Variants in SKOR1 observed in about 807,000 individuals in gnomAD.
SKOR1 encodes the protein SKI family transcriptional corepressor 1, also known as LBX1 corepressor 1.
A neutral mutation model predicts 72.4 loss-of-function variants in SKOR1; 38 were observed. That is an observed-to-expected ratio of 0.52 (90% CI 0.40 to 0.69). The LOEUF (loss-of-function observed/expected upper bound fraction) is 0.69, where lower values mean the gene tolerates loss of function less well. Ranked by LOEUF, SKOR1 falls within the 30% of genes least tolerant of loss-of-function variation. SKOR1 has a pLI of 0.00. For synonymous variants in SKOR1, 642 were observed against 599.4 expected (o/e 1.07, Z -1.04); for missense variants, 1,320 against 1,343.2 (o/e 0.98, Z 0.27).
At chr15:67,831,903 C>CCGGGGGGGG (rs1476265010) in intron 5 of SKOR1, among the ~76,000 whole-genome samples, 35 of 28,734 alleles carry the variant, frequency 1.2e-3, no homozygotes, top group African/African-American at 9.3e-3. Context: ...GGCGGCGGTG[C>CCGGGGGGGG]GGGGGGGGGA....
In SKOR1 at chr15:67,830,881, T is replaced by G; in HGVS notation, c.2579T>G (p.Leu860Arg). The G allele has an allele frequency of 6.2e-7, 1 of 1,614,130 alleles. No homozygotes were observed. Among genetic ancestry groups the G allele is most frequent in the Non-Finnish European group, 8.5e-7 (1 of 1,180,008 alleles). ...THLVEKDIEN[L>R]AREELQKLLL... is the part of the protein sequence containing the mutation. ...TTGGTGGAGAAAGATATCGAGAACC[T>G]GGCCAGAGGTGAGGATAAATTTGTG... Residue 860 changes from leucine to arginine, a missense_variant, in exon 5 of 9, where the codon CTG becomes CGG. Physicochemically the swap from Leu to Arg is moderately radical, Grantham distance 102. Around this residue, in one of 3 missense-constraint regions of SKOR1, gnomAD observed 1,099 missense variants for 1,025.5 expected, o/e 1.07. Transcript: ENST00000380035.
At position 67,833,061 on chromosome 15, in the gene SKOR1, C is replaced by A; in HGVS notation, c.2738-131C>A. The stretch of plus-strand genomic sequence containing the variant: ...AGTCTGCAGTTAGGAGCTCCGGTAC[C>A]CCCTCCCCCATCCCTGGAGTTGTTT... On this transcript the variant is annotated intron_variant, in intron 7 of 8. Coordinates refer to ENST00000380035, the MANE Select transcript of SKOR1 (RefSeq NM_001365915.1). The surrounding 1 kb of genome is among the most constrained non-coding windows in gnomAD (Gnocchi z 6.0). 1.1e-6 allele frequency: 1 copy of A among 899,306 alleles called. No individual in the cohort carries two copies. Among genetic ancestry groups the A allele is most frequent in the African/African-American group, 1.7e-5 (1 of 60,596 alleles). The allele number at this position is 899,306 out of a possible 1,614,324, so 55.7% of individuals were successfully genotyped here.
Position 67,825,515 on chromosome 15 carries a change from C to G in SKOR1, c.-88C>G. On this transcript the variant is annotated 5_prime_UTR_variant, in exon 1 of 9. Coordinates refer to ENST00000380035, the MANE Select transcript of SKOR1 (RefSeq NM_001365915.1). This position sits in a 1 kb window ranked among gnomAD's most constrained non-coding sequence, Gnocchi z 5.6. ...AGAGGGGCGGCCGATCCCCGAAGTC[C>G]GGGCTTCAGGACCCGGGCCGGCAGC... 1.5e-6 allele frequency: 1 copy of G among 682,018 alleles called. No homozygotes were observed. The highest frequency in any genetic ancestry group is 2.7e-6 in the Non-Finnish European group (1 of 365,156). 42.2% of individuals were successfully genotyped at this position (682,018 alleles called of 1,614,324 possible).
At chr15:67,829,134 C>T (rs1166941055) in intron 2 of SKOR1, 45 bp from the exon 3 acceptor site, 12 of 1,486,788 alleles carry the variant, frequency 8.1e-6, no homozygotes, top group Non-Finnish European at 1.1e-5. Flanking sequence ...TTTGGGCCGC[C>T]GCAGGGCGCC....
Position 67,832,684 on chromosome 15 carries a change from A to G in SKOR1, c.2737+3A>G. 6.2e-7 allele frequency: 1 copy of G among 1,613,816 alleles called. No homozygotes were observed. Among genetic ancestry groups the G allele is most frequent in the Non-Finnish European group, 8.5e-7 (1 of 1,179,824 alleles). On this transcript the variant is annotated splice_donor_region_variant and intron_variant, in intron 7 of 8. Coordinates refer to ENST00000380035, the MANE Select transcript of SKOR1 (RefSeq NM_001365915.1). The surrounding 1 kb of genome is among the most constrained non-coding windows in gnomAD (Gnocchi z 4.5). ...GCAACAGCTGCAAATTGTCAGAGGTAAGACGGGAGTCAGGTGAGCTCGTGC... is the reference window on the plus strand; with the variant it reads ...GCAACAGCTGCAAATTGTCAGAGGTGAGACGGGAGTCAGGTGAGCTCGTGC...
At chr15:67,830,168 A>G (rs2090997713) in intron 3 of SKOR1, 23 bp from the exon 4 acceptor site, 1 of 1,612,720 alleles carries the variant, frequency 6.2e-7, no homozygotes, top group South Asian at 1.1e-5. Context: ...GCCTCTCTTG[A>G]AATTCGGTTT....
chr15:67,828,225 G>C (rs931173443), intron 2 of SKOR1, 81 bp downstream of exon 2: 12 of 1,359,722 alleles, frequency 8.8e-6, no homozygotes, highest in Non-Finnish European at 1.0e-5. Context: ...GGCGGAGAAC[G>C]GGAATTTTGT....
Position 67,832,411 on chromosome 15 carries a change from C to A in SKOR1, c.2662+63C>A, listed in dbSNP as rs550090688. ...CGAGCCTTCCACCAGGGTGCCCCGA[C>A]CTACTCCGAAAGCCGGGTGCCAGGC... On this transcript the variant is annotated intron_variant, in intron 6 of 8. Coordinates refer to ENST00000380035, the MANE Select transcript of SKOR1 (RefSeq NM_001365915.1). The surrounding 1 kb of genome is among the most constrained non-coding windows in gnomAD (Gnocchi z 4.5). 2.6e-5 allele frequency: 41 copies of A among 1,574,138 alleles called. No individual in the cohort carries two copies. The highest frequency in any genetic ancestry group is 3.4e-4 in the Middle Eastern group (2 of 5,818).
At position 67,832,206 on chromosome 15, in the gene SKOR1, G is replaced by C. The variant is rs2091013635; in HGVS notation, c.2588-68G>C. 2.0e-6 allele frequency: 3 copies of C among 1,491,604 alleles called. No individual in the cohort carries two copies. In the South Asian group the frequency reaches 3.4e-5, roughly 17 times the overall value. 92.4% of individuals were successfully genotyped at this position (1,491,604 alleles called of 1,614,324 possible). A position where few individuals can be genotyped will look rare whatever the true frequency, so the allele number is the denominator to read the frequency against. On this transcript the variant is annotated intron_variant, in intron 5 of 8. Coordinates refer to ENST00000380035, the MANE Select transcript of SKOR1 (RefSeq NM_001365915.1). The surrounding 1 kb of genome is among the most constrained non-coding windows in gnomAD (Gnocchi z 4.5). ...TCTCCTTTCAGGGTTGTTGGCCAAG[G>C]CAGAACCTGAGCTCCAAATAACCCT...
In SKOR1 at chr15:67,826,506, G is replaced by T. The variant is rs2090959282; in HGVS notation, c.678G>T (p.Ser226=). The change falls in exon 2 of 9, where the codon TCG becomes TCT. Residue 226 remains serine (S), a synonymous_variant. Transcript: ENST00000380035. ...CGCCCAACAAGTTCATCTTCCACTC[G>T]CACCGAACACCCGACGCCAAGTACA... ...YFSPNKFIFH[S]HRTPDAKYTQ... The T allele has an allele frequency of 1.2e-6, 2 of 1,613,776 alleles. No individual in the cohort carries two copies. The highest frequency in any genetic ancestry group is 8.5e-7 in the Non-Finnish European group (1 of 1,179,776).
At position 67,827,004 on chromosome 15, in the gene SKOR1, T is replaced by C; in HGVS notation, c.1176T>C (p.Leu392=). The part of the protein sequence containing the change: ...FGLLQKLPPP[L]FPHPYGFPTA... ...TCCTGCAAAAGCTGCCCCCACCACT[T>C]TTCCCCCATCCTTACGGCTTCCCTA... Residue 392 remains leucine, a synonymous_variant, in exon 2 of 9, where the codon CTT becomes CTC. Transcript: ENST00000380035. 6.3e-7 allele frequency: 1 copy of C among 1,594,992 alleles called. No individual in the cohort carries two copies. Among genetic ancestry groups the C allele is most frequent in the Non-Finnish European group, 8.5e-7 (1 of 1,178,294 alleles).
In SKOR1 at chr15:67,830,969, A is replaced by T. The variant is rs929054647; in HGVS notation, c.2587+80A>T. ...TCCTGTAGAGGGGTGTTATCCCTGT[A>T]GGGGGTGAGTGTGGAAAAGACACTC... On this transcript the variant is annotated intron_variant, in intron 5 of 8. Coordinates refer to ENST00000380035, the MANE Select transcript of SKOR1 (RefSeq NM_001365915.1). 2.0e-5 allele frequency: 29 copies of T among 1,430,492 alleles called. No individual in the cohort carries two copies. The African/African-American group carries it at 3.4e-4, about 17-fold the overall frequency. The allele number at this position is 1,430,492 out of a possible 1,614,324, so 88.6% of individuals were successfully genotyped here.
Position 67,832,739 on chromosome 15 carries a change from G to C in SKOR1, c.2737+58G>C. ...GCCGTAACTGCCTCTCGTCTGGCAGGAGCCGCAATGTTGGCTCAGTCATTT... is the reference window on the plus strand; with the variant it reads ...GCCGTAACTGCCTCTCGTCTGGCAGCAGCCGCAATGTTGGCTCAGTCATTT... On this transcript the variant is annotated intron_variant, in intron 7 of 8. Coordinates refer to ENST00000380035, the MANE Select transcript of SKOR1 (RefSeq NM_001365915.1). This position sits in a 1 kb window ranked among gnomAD's most constrained non-coding sequence, Gnocchi z 4.5. 6 of 1,370,848 alleles carry C rather than the reference G, an allele frequency of 4.4e-6. No homozygotes were observed. The South Asian group carries it at 7.1e-5, about 16-fold the overall frequency. The allele number at this position is 1,370,848 out of a possible 1,614,324, so 84.9% of individuals were successfully genotyped here.
rs770245178 is a variant in SKOR1 at position 67,834,161 on chromosome 15, TA to T, written c.*326del. 110 of 427,844 alleles carry T rather than the reference TA, an allele frequency of 2.6e-4. No homozygotes were observed. Among genetic ancestry groups the T allele is most frequent in the Non-Finnish European group, 2.9e-4 (65 of 227,292 alleles). The allele number at this position is 427,844 out of a possible 1,614,324, so 26.5% of individuals were successfully genotyped here. ...GAGGGGAGAGCGCCCCCTCCCATTG[TA>T]TAGCCTTGAACCCGATTGTGAATAC... On this transcript the variant is annotated 3_prime_UTR_variant, in exon 9 of 9. Coordinates refer to ENST00000380035, the MANE Select transcript of SKOR1 (RefSeq NM_001365915.1). The surrounding 1 kb of genome is among the most constrained non-coding windows in gnomAD (Gnocchi z 5.8).
In SKOR1 at chr15:67,829,238, G is replaced by A. The variant is rs2090989645; in HGVS notation, c.2376G>A (p.Ala792=). The change falls in exon 3 of 9, where the codon GCG becomes GCA. Residue 792 remains alanine, a synonymous_variant. Coordinates refer to ENST00000380035, the MANE Select transcript of SKOR1 (RefSeq NM_001365915.1). ...GCGCGGCGGTGGCGCTGGGGCCCGC[G>A]GCCTCCTACGTCTGCACCCCCGAGG... ...VKSAAVALGP[A]ASYVCTPEAH... 1.9e-6 allele frequency: 3 copies of A among 1,569,680 alleles called. No homozygotes were observed. Among genetic ancestry groups the A allele is most frequent in the Non-Finnish European group, 2.6e-6 (3 of 1,165,360 alleles).
At chr15:67,829,445 T>C (rs994633068) in intron 3 of SKOR1, among the ~76,000 whole-genome samples, 176 bp downstream of exon 3, 4 of 152,228 alleles carry the variant, frequency 2.6e-5, no homozygotes, top group African/African-American at 9.6e-5. Flanking sequence ...TTCCAATCTT[T>C]AGTTACTTAA....
rs2090956298 is a variant in SKOR1, at chr15:67,826,075, T to G, written c.247T>G (p.Tyr83Asp). Residue 83 changes from tyrosine (Y) to aspartate (D), a missense_variant, in exon 2 of 9, where the codon TAC becomes GAC. By Grantham distance (160) the Tyr-to-Asp change is radical (BLOSUM62 -3). This residue lies in a region of SKOR1 where 120 missense variants were observed against 104.9 expected (regional missense o/e 1.14). Transcript: ENST00000380035. ...CAACCAGGTGGGCGAGACGTCGCTG[T>G]ACGGGGTGCCCATTGTGTCGCTGGT... ...KPNQVGETSL[Y>D]GVPIVSLVID... 6.3e-7 allele frequency: 1 copy of G among 1,598,034 alleles called. No homozygotes were observed. Among genetic ancestry groups the G allele is most frequent in the Admixed American group, 1.7e-5 (1 of 59,018 alleles).
Position 67,825,752 on chromosome 15 carries a change from T to C in SKOR1, c.107+43T>C. On this transcript the variant is annotated intron_variant, in intron 1 of 8. Transcript: ENST00000380035. The surrounding 1 kb of genome is among the most constrained non-coding windows in gnomAD (Gnocchi z 5.6). Reference sequence around the variant, plus strand: ...TCCTCCCCCAAGCCCCGGGGGCTGTTGTTAACGGCGCCAACATGGGTCTGA... The same window carrying C: ...TCCTCCCCCAAGCCCCGGGGGCTGTCGTTAACGGCGCCAACATGGGTCTGA... 1 of 1,100,930 alleles carries C rather than the reference T, an allele frequency of 9.1e-7. No homozygotes were observed. The highest frequency in any genetic ancestry group is 1.4e-6 in the Non-Finnish European group (1 of 734,028). The allele number at this position is 1,100,930 out of a possible 1,614,324, so 68.2% of individuals were successfully genotyped here.
chr15:67,830,937 G>A (rs1355819879), intron 5 of SKOR1, 48 bp downstream of exon 5: 1 of 1,576,794 alleles, frequency 6.3e-7, no homozygotes, highest in Non-Finnish European at 8.7e-7. Flanking sequence ...TGAGAGTGAT[G>A]GGTCATTCCT....
Sources: gnomAD v4.1 joint callset for allele counts (sites outside exome capture counted in the v4.1 genomes callset) on GRCh38, gnomAD v4.1.1 for gene constraint, gnomAD v4.1.1 regional missense constraint, Gnocchi (gnomAD v3.1) non-coding constraint, MANE v1.5 for transcripts, NCBI Gene and HGNC (gene_info 2026-07-23, HGNC 2026-07-21) for gene names.